CBARP: variants seen among roughly 807,000 people sequenced by gnomAD.
CBARP encodes the protein CACN subunit beta associated regulatory protein.
A neutral mutation model predicts 36.3 loss-of-function variants in CBARP; 24 were observed. That is an observed-to-expected ratio of 0.66 (90% CI 0.48 to 0.93). The LOEUF (loss-of-function observed/expected upper bound fraction) is 0.93. Among genes scored for constraint, CBARP ranks in the 40% least tolerant of loss-of-function variants. CBARP has a pLI of 0.00. For missense variants in CBARP, 1,146 were observed against 980.4 expected, an observed-to-expected ratio of 1.17 and a Z score of -2.26; for synonymous variants, 586 against 453.2, an observed-to-expected ratio of 1.29 and a Z score of -3.72.
At chr19:1,234,970 CT>C (rs758856174) in intron 5 of CBARP, 30 bp downstream of exon 5, 1 of 1,587,682 alleles carries the variant, frequency 6.3e-7, no homozygotes, top group Non-Finnish European at 8.6e-7. Flanking sequence ...CAGACAGGCC[CT>C]GGGGTGCCTC....
Position 1,229,547 on chromosome 19 carries a change from C to T in CBARP, c.1750G>A (p.Gly584Ser), listed in dbSNP as rs1270805096. 27 of 996,424 alleles carry T rather than the reference C, an allele frequency of 2.7e-5. No homozygotes were observed. The highest frequency in any genetic ancestry group is 3.2e-5 in the Non-Finnish European group (27 of 835,134). The allele number at this position is 996,424 out of a possible 1,614,324, so 61.7% of individuals were successfully genotyped here. The change falls in exon 10 of 10, where the codon GGC becomes AGC. Residue 584 changes from glycine to serine, a missense_variant. Coordinates refer to ENST00000650044, the MANE Select transcript of CBARP (RefSeq NM_001393918.1). This position sits in a 1 kb window ranked among gnomAD's most constrained non-coding sequence, Gnocchi z 5.1. ...HPHARKQWQR[G>S]RQHSDPGARA... ...GCGCCGGGGTCGCTGTGCTGCCGGCCACGCTGCCACTGTTTGCGGGCGTGC... is the reference window on the plus strand; with the variant it reads ...GCGCCGGGGTCGCTGTGCTGCCGGCTACGCTGCCACTGTTTGCGGGCGTGC...
rs1226632930 is a variant in CBARP, at chr19:1,234,341, A to G, written c.628-10T>C. The G allele has an allele frequency of 2.1e-5, 30 of 1,441,832 alleles. No individual in the cohort carries two copies. Among genetic ancestry groups the G allele is most frequent in the Non-Finnish European group, 2.6e-5 (29 of 1,095,940 alleles). The allele number at this position is 1,441,832 out of a possible 1,614,324, so 89.3% of individuals were successfully genotyped here. On this transcript the variant is annotated splice_polypyrimidine_tract_variant and intron_variant, in intron 6 of 9. Transcript: ENST00000650044. Reference sequence around the variant, plus strand: ...GGGCCTTCCCCGGGGGCTGTGGGACAGAGCCAGGTGGGGGAGGAAGCAGTG... The same window carrying G: ...GGGCCTTCCCCGGGGGCTGTGGGACGGAGCCAGGTGGGGGAGGAAGCAGTG...
chr19:1,228,373 G>A lies in CBARP; in HGVS notation c.*806C>T, dbSNP rs945474065. The A allele has an allele frequency of 2.1e-5, 5 of 234,742 alleles. No homozygotes were observed. The highest frequency in any genetic ancestry group is 6.6e-5 in the African/African-American group (3 of 45,220). The allele number at this position is 234,742 out of a possible 1,614,324, so 14.5% of individuals were successfully genotyped here. A position where few individuals can be genotyped will look rare whatever the true frequency, so the allele number is the denominator to read the frequency against. On this transcript the variant is annotated 3_prime_UTR_variant, in exon 10 of 10. Transcript: ENST00000650044. ...GTGCAGACGCGGCGGGGACTCGGAG[G>A]GTGCCGTGCGGGCGAGGCCGCCCAA... is the stretch of plus-strand genomic sequence containing the variant.
In CBARP at chr19:1,229,086, C is replaced by G. The variant is rs1328755277; in HGVS notation, c.*93G>C. On this transcript the variant is annotated 3_prime_UTR_variant, in exon 10 of 10. Coordinates refer to ENST00000650044, the MANE Select transcript of CBARP (RefSeq NM_001393918.1). This position sits in a 1 kb window ranked among gnomAD's most constrained non-coding sequence, Gnocchi z 5.1. ...AGGGCCCGCGGTCCCCGCGCATTCG[C>G]GTCGGGGCGTCGCGCCCCCACGTCT... 44 of 368,836 alleles carry G rather than the reference C, an allele frequency of 1.2e-4. No homozygotes were observed. Among genetic ancestry groups the G allele is most frequent in the Non-Finnish European group, 1.5e-4 (41 of 265,432 alleles). 22.8% of individuals were successfully genotyped at this position (368,836 alleles called of 1,614,324 possible). A position where few individuals can be genotyped will look rare whatever the true frequency, so the allele number is the denominator to read the frequency against.
intron 8 of CBARP, among the ~76,000 whole-genome samples, chr19:1,231,769 G>C (rs1398882963): frequency 6.6e-6 from 1 of 151,920 alleles, no homozygotes; most frequent in Admixed American, 6.5e-5. Flanking sequence ...GACAGTGGCT[G>C]TGTGTACACC....
intron 9 of CBARP, 39 bp from the exon 10 acceptor site, chr19:1,230,181 C>T (rs1419476394): frequency 5.0e-6 from 5 of 996,980 alleles, no homozygotes; most frequent in Non-Finnish European, 6.0e-6. Flanking sequence ...CCGCCGAGCC[C>T]CGCGCCCCCT....
rs762038006 is a variant in CBARP at position 1,234,746 on chromosome 19, C to T, written c.456-4G>A. On this transcript the variant is annotated splice_polypyrimidine_tract_variant and splice_region_variant and intron_variant, in intron 5 of 9. Coordinates refer to ENST00000650044, the MANE Select transcript of CBARP (RefSeq NM_001393918.1). ...GTCCCCCTCCGTCAGTGTGTACCTGCGACAGCATCTGGCCATCAGAGCCCG... is the reference window on the plus strand; with the variant it reads ...GTCCCCCTCCGTCAGTGTGTACCTGTGACAGCATCTGGCCATCAGAGCCCG... 8.7e-6 allele frequency: 14 copies of T among 1,611,686 alleles called. No individual in the cohort carries two copies. Among genetic ancestry groups the T allele is most frequent in the African/African-American group, 4.0e-5 (3 of 74,916 alleles).
chr19:1,230,383 G>A (rs2080874400), intron 9 of CBARP: 2 of 987,272 alleles, frequency 2.0e-6, no homozygotes, highest in Non-Finnish European at 1.2e-6. Context: ...GCAGACGGCG[G>A]GGCCCCCTCC....
intron 5 of CBARP, 43 bp downstream of exon 5, chr19:1,234,958 C>A: frequency 6.3e-7 from 1 of 1,576,386 alleles, no homozygotes; most frequent in Non-Finnish European, 8.6e-7. Flanking sequence ...CGGCCAGGAC[C>A]TCAGACAGGC....
chr19:1,238,085 T>G (rs918058557), upstream of CBARP: 8 of 143,798 alleles, frequency 5.6e-5, no homozygotes, highest in African/African-American at 1.8e-4. Flanking sequence ...GGGCGCCCAC[T>G]CCGCACGCGG....
Position 1,229,163 on chromosome 19 carries a change from G to A in CBARP, c.*16C>T, listed in dbSNP as rs376690455. The stretch of plus-strand genomic sequence containing the variant: ...GCCGGAGAAGCTGCCAGAGAGATGG[G>A]CCCAGGACGCGGGACTTAGGCCGGG... On this transcript the variant is annotated 3_prime_UTR_variant, in exon 10 of 10. Transcript: ENST00000650044. The surrounding 1 kb of genome is among the most constrained non-coding windows in gnomAD (Gnocchi z 5.1). 2,192 of 1,077,232 alleles carry A rather than the reference G, an allele frequency of 2.0e-3. 45 individuals carry two copies. The African/African-American group carries it at 0.035, about 17-fold the overall frequency. 66.7% of individuals were successfully genotyped at this position (1,077,232 alleles called of 1,614,324 possible). A position where few individuals can be genotyped will look rare whatever the true frequency, so the allele number is the denominator to read the frequency against.
At position 1,235,141 on chromosome 19, in the gene CBARP, G is replaced by A. The variant is rs375468538; in HGVS notation, c.315C>T (p.Pro105=). The A allele has an allele frequency of 3.5e-5, 56 of 1,579,644 alleles. 1 individual carries two copies. In the Admixed American group the frequency reaches 6.4e-4, roughly 18 times the overall value. The part of the protein sequence containing the change: ...LDNGTHPAQD[P]DFRGEDPECQ... Reference sequence around the variant, plus strand: ...ACTCGGGGTCCTCTCCCCGGAAGTCGGGGTCTGCGTGGAGAGGCAGGAGAG... The same window carrying A: ...ACTCGGGGTCCTCTCCCCGGAAGTCAGGGTCTGCGTGGAGAGGCAGGAGAG... Residue 105 remains proline, a synonymous_variant, in exon 5 of 10, where the codon CCC becomes CCT. Transcript: ENST00000650044.
intron 4 of CBARP, 114 bp from the exon 5 acceptor site, chr19:1,235,259 G>T: frequency 8.2e-7 from 1 of 1,223,246 alleles, no homozygotes; most frequent in African/African-American, 1.6e-5. Flanking sequence ...CCGCGGCACG[G>T]GCGGCCGGGC....
At chr19:1,233,176 C>T (rs1046625328) in intron 8 of CBARP, among the ~76,000 whole-genome samples, 8 of 152,210 alleles carry the variant, frequency 5.3e-5, no homozygotes, top group Non-Finnish European at 8.8e-5. Flanking sequence ...GCAGTCGGGG[C>T]GCGCAAAGCC....
Position 1,229,723 on chromosome 19 carries a change from C to T in CBARP, c.1574G>A (p.Arg525Gln). The T allele has an allele frequency of 1.0e-6, 1 of 982,472 alleles. No homozygotes were observed. The highest frequency in any genetic ancestry group is 4.3e-5 in the South Asian group (1 of 23,392). The allele number at this position is 982,472 out of a possible 1,614,324, so 60.9% of individuals were successfully genotyped here. A position where few individuals can be genotyped will look rare whatever the true frequency, so the allele number is the denominator to read the frequency against. The part of the protein sequence containing the change: ...DDTEPPAAPA[R>Q]PRSPRAWPRR... ...GGGCCAGGCGCGCGGGCTGCGGGGC[C>T]GGGCGGGCGCGGCAGGTGGCTCGGT... Residue 525 changes from arginine (R) to glutamine (Q), a missense_variant, in exon 10 of 10, where the codon CGG (arginine) becomes CAG (glutamine). Arg to Gln is a conservative substitution (Grantham distance 43). Transcript: ENST00000650044. The surrounding 1 kb of genome is among the most constrained non-coding windows in gnomAD (Gnocchi z 5.1).
rs753825956 is a variant in CBARP at position 1,229,287 on chromosome 19, C to T, written c.2010G>A (p.Ala670=). The T allele has an allele frequency of 1.6e-6, 2 of 1,259,236 alleles. No individual in the cohort carries two copies. The highest frequency in any genetic ancestry group is 2.5e-5 in the Admixed American group (1 of 40,120). The allele number at this position is 1,259,236 out of a possible 1,614,324, so 78.0% of individuals were successfully genotyped here. A position where few individuals can be genotyped will look rare whatever the true frequency, so the allele number is the denominator to read the frequency against. ...LPSGSVLDKL[A]AGLDERLFPP... is the part of the protein sequence containing the mutation. ...GAAAGAGTCTCTCGTCGAGGCCAGC[C>T]GCCAGCTTGTCCAGCACCGACCCGG... The change falls in exon 10 of 10, where the codon GCG becomes GCA. Residue 670 remains alanine (A), a synonymous_variant. Coordinates refer to ENST00000650044, the MANE Select transcript of CBARP (RefSeq NM_001393918.1). The surrounding 1 kb of genome is among the most constrained non-coding windows in gnomAD (Gnocchi z 5.1).
chr19:1,232,477 G>C (rs2080906897), intron 8 of CBARP, among the ~76,000 whole-genome samples: 1 of 152,200 alleles, frequency 6.6e-6, no homozygotes, highest in South Asian at 2.1e-4. Context: ...CCACAAGGCA[G>C]AGCGGGCCCC....
chr19:1,230,867 C>T (rs1262677140), intron 9 of CBARP: 2 of 1,501,220 alleles, frequency 1.3e-6, no homozygotes, highest in African/African-American at 1.4e-5. Flanking sequence ...TCGGGGGGCC[C>T]CTCCTCCCCA....
intron 8 of CBARP, among the ~76,000 whole-genome samples, chr19:1,233,155 A>G (rs1456286002): frequency 2.0e-5 from 3 of 152,108 alleles, no homozygotes; most frequent in South Asian, 4.1e-4. Context: ...GGATGCCCCA[A>G]TGGCCCGAGA....
Sources: gnomAD v4.1 joint callset for allele counts (sites outside exome capture counted in the v4.1 genomes callset) on GRCh38, gnomAD v4.1.1 for gene constraint, Gnocchi (gnomAD v3.1) non-coding constraint, MANE v1.5 for transcripts, NCBI Gene and HGNC (gene_info 2026-07-23, HGNC 2026-07-21) for gene names.